Variants in ADAMTSL3 observed in about 807,000 individuals in gnomAD.
ADAMTSL3 encodes ADAMTS-like protein 3.
A neutral mutation model predicts 201.7 loss-of-function variants in ADAMTSL3; 128 were observed. The observed-to-expected ratio is 0.63, with a 90% CI of 0.55 to 0.73. ADAMTSL3 has a LOEUF of 0.73. ADAMTSL3 is among the 30% of genes least tolerant of loss of function. ADAMTSL3 has a pLI of 0.00. For synonymous variants in ADAMTSL3, 738 were observed against 748.4 expected, an observed-to-expected ratio of 0.99 and a Z score of 0.23; for missense variants, 1,990 against 2,119.6, an observed-to-expected ratio of 0.94 and a Z score of 1.20.
At chr15:83,678,281 A>T (rs763523650) in intron 2 of ADAMTSL3, among the ~76,000 whole-genome samples, 3 of 151,850 alleles carry the variant, frequency 2.0e-5, no homozygotes, top group African/African-American at 7.3e-5. Context: ...CTGTTATTTT[A>T]TCCTTTCTTT....
intron 6 of ADAMTSL3, among the ~76,000 whole-genome samples, chr15:83,834,915 A>G (rs1243635812): frequency 2.0e-5 from 3 of 152,186 alleles, no homozygotes; most frequent in African/African-American, 4.8e-5. Flanking sequence ...AGAAGTTGGA[A>G]ACACTTCAGG....
In ADAMTSL3 at chr15:83,886,909, G is replaced by T. The variant is rs149764644; in HGVS notation, c.1072+1697G>T. On this transcript the variant is annotated intron_variant, in intron 10 of 29. Coordinates refer to ENST00000286744, the MANE Select transcript of ADAMTSL3 (RefSeq NM_207517.3). ...GAAGAAGTTTATGTCCCTGGAAATG[G>T]AAGAGAAGACTGAATAGTGCCACAG... Among the ~76,000 whole-genome samples the T allele has an allele frequency of 1.4e-3, 211 of 152,348 alleles. 1 individual carries two copies. Among genetic ancestry groups the T allele is most frequent in the African/African-American group, 4.9e-3 (203 of 41,574 alleles).
chr15:83,906,615 CCACACACCA>C lies in ADAMTSL3; in HGVS notation c.1701-6469_1701-6461del, dbSNP rs566869809. Among the ~76,000 whole-genome samples the C allele has an allele frequency of 6.9e-3, 981 of 142,416 alleles. 4 individuals are homozygous for C. The highest frequency in any genetic ancestry group is 0.014 in the South Asian group (58 of 4,282). 93.4% of individuals were successfully genotyped at this position (142,416 alleles called of 152,430 possible). A position where few individuals can be genotyped will look rare whatever the true frequency, so the allele number is the denominator to read the frequency against. On this transcript the variant is annotated intron_variant, in intron 15 of 29. Coordinates refer to ENST00000286744, the MANE Select transcript of ADAMTSL3 (RefSeq NM_207517.3). ...TATGTATCTATATATTTATATAGTG[CCACACACCA>C]CACACACACACACACACACACACAC...
chr15:83,791,864 A>T (rs1401166004), intron 4 of ADAMTSL3, among the ~76,000 whole-genome samples: 2 of 151,948 alleles, frequency 1.3e-5, no homozygotes, highest in Non-Finnish European at 2.9e-5. Flanking sequence ...GTCTCAAAAA[A>T]AAAAAAGAAA....
At chr15:83,980,478 T>C (rs2067367970) in intron 20 of ADAMTSL3, among the ~76,000 whole-genome samples, 1 of 152,190 alleles carries the variant, frequency 6.6e-6, no homozygotes, top group Non-Finnish European at 1.5e-5. Context: ...CAGTAGAAAG[T>C]TCAAAATTGT....
intron 6 of ADAMTSL3, among the ~76,000 whole-genome samples, chr15:83,820,297 C>T (rs4583201): frequency 6.6e-6 from 1 of 152,082 alleles, no homozygotes; most frequent in African/African-American, 2.4e-5. Flanking sequence ...AGGCTGATCT[C>T]AAACTCCTGA....
intron 3 of ADAMTSL3, among the ~76,000 whole-genome samples, chr15:83,705,219 G>T (rs2061832381): frequency 6.6e-6 from 1 of 152,166 alleles, no homozygotes; most frequent in South Asian, 2.1e-4. Flanking sequence ...TTATGGGGCA[G>T]TTGAGCAAAC....
intron 3 of ADAMTSL3, among the ~76,000 whole-genome samples, chr15:83,750,487 A>G (rs757727769): frequency 2.0e-5 from 3 of 152,234 alleles, no homozygotes; most frequent in Non-Finnish European, 4.4e-5. Context: ...AATGACAAAG[A>G]TAAATTCACT....
chr15:83,770,819 G>A (rs944628329), intron 3 of ADAMTSL3, among the ~76,000 whole-genome samples: 1 of 152,044 alleles, frequency 6.6e-6, no homozygotes, highest in Non-Finnish European at 1.5e-5. Context: ...CCTGTAATCC[G>A]AGGACTTTGG....
chr15:83,835,866 A>G (rs919291024), intron 6 of ADAMTSL3, among the ~76,000 whole-genome samples: 1 of 152,336 alleles, frequency 6.6e-6, no homozygotes, highest in South Asian at 2.1e-4. Flanking sequence ...GTTGTAATGT[A>G]GTGTTAAGAT....
chr15:83,779,701 A>G (rs1239538934), intron 4 of ADAMTSL3, among the ~76,000 whole-genome samples: 2 of 83,620 alleles, frequency 2.4e-5, no homozygotes, highest in East Asian at 7.9e-4. Flanking sequence ...CCATCTCAAA[A>G]AAAAAAAAAA....
rs113463330 is a variant in ADAMTSL3, at chr15:83,959,603, C to G, written c.2491-10881C>G. 2.5e-3 allele frequency among the ~76,000 whole-genome samples: 381 copies of G among 152,236 alleles called. 2 individuals carry two copies. Among genetic ancestry groups the G allele is most frequent in the Non-Finnish European group, 3.1e-3 (209 of 68,012 alleles). On this transcript the variant is annotated intron_variant, in intron 19 of 29. Transcript: ENST00000286744. ...AAGTGTGAGCCAAAGATTTTATATCCTGCCAAACTGACTTTCAAGTTTAAA... is the reference window on the plus strand; with the variant it reads ...AAGTGTGAGCCAAAGATTTTATATCGTGCCAAACTGACTTTCAAGTTTAAA...
At chr15:83,842,135 G>A (rs1432319433) in intron 7 of ADAMTSL3, among the ~76,000 whole-genome samples, 1 of 150,284 alleles carries the variant, frequency 6.7e-6, no homozygotes, top group East Asian at 2.1e-4. Flanking sequence ...CAAGCCCATG[G>A]TACTGGAAAA....
intron 5 of ADAMTSL3, among the ~76,000 whole-genome samples, chr15:83,814,218 C>A (rs1019728124): frequency 1.3e-5 from 2 of 152,132 alleles, no homozygotes; most frequent in African/African-American, 4.8e-5. Context: ...GTGTTCTTTT[C>A]TTTTCCTTGT....
At position 83,689,562 on chromosome 15, in the gene ADAMTSL3, C is replaced by T. The variant is rs142512419; in HGVS notation, c.70-14827C>T. The stretch of plus-strand genomic sequence containing the variant: ...CTCTGTTGACCTGTGAAGCTGAGCT[C>T]ACTCATTTTTACTGCTTTATTGTAT... On this transcript the variant is annotated intron_variant, in intron 2 of 29. Transcript: ENST00000286744. 3.3e-5 allele frequency among the ~76,000 whole-genome samples: 5 copies of T among 152,306 alleles called. No homozygotes were observed. The East Asian group carries it at 9.6e-4, about 29-fold the overall frequency.
At position 83,858,777 on chromosome 15, in the gene ADAMTSL3, G is replaced by A; in HGVS notation, c.739G>A (p.Val247Ile). The A allele has an allele frequency of 6.2e-7, 1 of 1,613,670 alleles. No individual in the cohort carries two copies. Among genetic ancestry groups the A allele is most frequent in the African/African-American group, 1.3e-5 (1 of 75,010 alleles). The change falls in exon 8 of 30, where the codon GTA becomes ATA. Residue 247 changes from valine (V) to isoleucine (I), a missense_variant. Physicochemically the swap from Val to Ile is conservative, Grantham distance 29 (BLOSUM62 3). Coordinates refer to ENST00000286744, the MANE Select transcript of ADAMTSL3 (RefSeq NM_207517.3). ...HVSPEKREEN[V>I]IAVPLGSRSV... is the part of the protein sequence containing the mutation. Reference sequence around the variant, plus strand: ...CTGTTCTTTCCCAGGAGAAGAAAATGTAATTGCTGTTCCTTTGGGAAGTCG... The same window carrying A: ...CTGTTCTTTCCCAGGAGAAGAAAATATAATTGCTGTTCCTTTGGGAAGTCG...
chr15:83,947,795 A>G (rs2066681416), intron 19 of ADAMTSL3, among the ~76,000 whole-genome samples: 2 of 152,074 alleles, frequency 1.3e-5, no homozygotes, highest in African/African-American at 4.8e-5. Flanking sequence ...TGTGTCCTGA[A>G]TTCTTTAACT....
At chr15:83,912,360 A>G (rs912717052) in intron 15 of ADAMTSL3, among the ~76,000 whole-genome samples, 1 of 152,222 alleles carries the variant, frequency 6.6e-6, no homozygotes, top group Non-Finnish European at 1.5e-5. Flanking sequence ...GTCACAAAAT[A>G]TCTTTTTTTC....
At chr15:83,722,687 A>C (rs930105936) in intron 3 of ADAMTSL3, among the ~76,000 whole-genome samples, 6 of 152,184 alleles carry the variant, frequency 3.9e-5, no homozygotes, top group Non-Finnish European at 7.4e-5. Flanking sequence ...GTAGAAGATA[A>C]CAAAAACAAG....
Sources: gnomAD v4.1 joint callset for allele counts (sites outside exome capture counted in the v4.1 genomes callset) on GRCh38, gnomAD v4.1.1 for gene constraint, MANE v1.5 for transcripts, NCBI Gene and HGNC (gene_info 2026-07-23, HGNC 2026-07-21) for gene names.